DHRSX: variants seen among roughly 807,000 people sequenced by gnomAD.
DHRSX encodes dehydrogenase/reductase X-linked.
A neutral mutation model predicts 34.0 loss-of-function variants in DHRSX; 31 were observed. The ratio of observed to expected loss-of-function variants is 0.91; its 90% CI spans 0.69 to 1.23. DHRSX has a LOEUF of 1.23. DHRSX is among the 50% of genes most tolerant of loss of function. The pLI is 0.00. For synonymous variants in DHRSX, 201 were observed against 183.8 expected, an observed-to-expected ratio of 1.09 and a Z score of -0.76; for missense variants, 414 against 428.1, an observed-to-expected ratio of 0.97 and a Z score of 0.29.
chrX:2,345,617 C>A (rs73189666), intron 3 of DHRSX, among the ~76,000 whole-genome samples: 3 of 147,236 alleles, frequency 2.0e-5, no homozygotes, highest in South Asian at 2.2e-4. Context: ...GAGATCGCAT[C>A]GTACCCCAGC....
At chrX:2,462,768 G>A (rs1474416729) in intron 1 of DHRSX, among the ~76,000 whole-genome samples, 2 of 151,712 alleles carry the variant, frequency 1.3e-5, no homozygotes, top group Non-Finnish European at 2.9e-5. Flanking sequence ...AAACACGGAG[G>A]GTTTCTGTGT....
At chrX:2,238,873 C>T (rs138077845) in intron 6 of DHRSX, among the ~76,000 whole-genome samples, 26 of 152,112 alleles carry the variant, frequency 1.7e-4, no homozygotes, top group African/African-American at 5.5e-4. Flanking sequence ...GCATGAGACA[C>T]GGCACCCAGC....
intron 1 of DHRSX, among the ~76,000 whole-genome samples, chrX:2,458,859 G>T (rs138360301): frequency 6.6e-6 from 1 of 152,052 alleles, no homozygotes; most frequent in African/African-American, 2.4e-5. Flanking sequence ...GAAAAAATTA[G>T]CTAGATATGG....
chrX:2,263,791 G>A (rs371599833), intron 5 of DHRSX, among the ~76,000 whole-genome samples: 29 of 152,138 alleles, frequency 1.9e-4, no homozygotes, highest in African/African-American at 5.3e-4. Context: ...GATGACAGGC[G>A]TGAGCCACCA....
chrX:2,249,233 C>T (rs1269995768), intron 5 of DHRSX, among the ~76,000 whole-genome samples: 1 of 144,384 alleles, frequency 6.9e-6, no homozygotes, highest in Non-Finnish European at 1.5e-5. Flanking sequence ...TGTTCTGTCG[C>T]CCAGGCTAGA....
At chrX:2,477,617 G>A (rs778118474) in intron 1 of DHRSX, among the ~76,000 whole-genome samples, 15 of 152,210 alleles carry the variant, frequency 9.9e-5, no homozygotes, top group East Asian at 5.8e-4. Context: ...AGGCCGAGGC[G>A]GATGGATCAC....
At chrX:2,241,562 ACT>A (rs1319949365) in intron 6 of DHRSX, among the ~76,000 whole-genome samples, 1 of 151,898 alleles carries the variant, frequency 6.6e-6, no homozygotes, top group African/African-American at 2.4e-5. Context: ...CTCATAAACC[ACT>A]GTCTGTTCTG....
chrX:2,255,889 C>T (rs180750536), intron 5 of DHRSX, among the ~76,000 whole-genome samples: 6 of 151,690 alleles, frequency 4.0e-5, no homozygotes, highest in East Asian at 1.9e-4. Context: ...ACTCCAGCCT[C>T]GATGCCTGGG....
intron 1 of DHRSX, among the ~76,000 whole-genome samples, chrX:2,494,688 T>C (rs2124127025): frequency 6.6e-6 from 1 of 152,116 alleles, no homozygotes; most frequent in African/African-American, 2.4e-5. Context: ...AAAGGTCTGT[T>C]TTCTATTAAT....
At chrX:2,325,001 C>A (rs73630208) in intron 3 of DHRSX, among the ~76,000 whole-genome samples, 4,578 of 151,374 alleles carry the variant, frequency 0.03, 253 homozygotes, top group African/African-American at 0.11. Context: ...GTCTCGAACC[C>A]CTGACCTAAT....
intron 3 of DHRSX, among the ~76,000 whole-genome samples, chrX:2,404,311 G>A (rs1381454887): frequency 1.3e-5 from 2 of 152,110 alleles, no homozygotes; most frequent in African/African-American, 4.8e-5. Flanking sequence ...GGCACTTTTG[G>A]ATTCATTGTG....
rs772818569 is a variant in DHRSX, at chrX:2,302,934, T to G, written c.287-11331A>C. On this transcript the variant is annotated intron_variant, in intron 3 of 6. Coordinates refer to ENST00000334651, the MANE Select transcript of DHRSX (RefSeq NM_145177.3). ...GATTAGGGGAGAGGCAGTTTTGCCA[T>G]GGAGAGTTTAAAAGCGCTGATTCTG... Among the ~76,000 whole-genome samples the G allele has an allele frequency of 4.8e-3, 731 of 152,222 alleles. 3 individuals are homozygous for G. The highest frequency in any genetic ancestry group is 0.034 in the Middle Eastern group (10 of 294).
At chrX:2,408,950 C>T (rs1271815565) in intron 2 of DHRSX, 137 bp from the exon 3 acceptor site, 1 of 762,596 alleles carries the variant, frequency 1.3e-6, no homozygotes, top group Non-Finnish European at 2.2e-6. Flanking sequence ...TCCCTTTATC[C>T]TAGCGTCTAA....
chrX:2,264,283 C>T (rs1235075030), intron 5 of DHRSX, among the ~76,000 whole-genome samples: 1 of 151,726 alleles, frequency 6.6e-6, no homozygotes. Flanking sequence ...AGCACCGTGC[C>T]CAGAGCACCT....
At chrX:2,226,658 G>A (rs34234238) in intron 6 of DHRSX, among the ~76,000 whole-genome samples, 3,951 of 148,526 alleles carry the variant, frequency 0.027, 101 homozygotes, top group African/African-American at 0.062. Flanking sequence ...AAAATTAGCC[G>A]GGCATGGTGG....
At chrX:2,286,016 C>T (rs2041800643) in intron 4 of DHRSX, among the ~76,000 whole-genome samples, 1 of 152,054 alleles carries the variant, frequency 6.6e-6, no homozygotes, top group Non-Finnish European at 1.5e-5. Context: ...AAATCCTTTA[C>T]TTCTTCTCTA....
intron 5 of DHRSX, among the ~76,000 whole-genome samples, chrX:2,246,864 C>A (rs375705053): frequency 6.6e-6 from 1 of 151,380 alleles, no homozygotes. Context: ...AAAAGAAAAC[C>A]AAAAAGATCA....
intron 1 of DHRSX, among the ~76,000 whole-genome samples, chrX:2,483,170 C>T (rs1471721526): frequency 3.3e-5 from 5 of 152,274 alleles, no homozygotes; most frequent in African/African-American, 9.6e-5. Context: ...ACTGCAGCCT[C>T]GACTTTCCGG....
chrX:2,426,396 TTC>T (rs748833885), intron 1 of DHRSX, among the ~76,000 whole-genome samples: 47 of 149,948 alleles, frequency 3.1e-4, no homozygotes, highest in African/African-American at 9.1e-4. Flanking sequence ...TCCTCCTTCC[TTC>T]TCTTTTTCCT....
Sources: allele counts gnomAD v4.1 joint callset (sites outside exome capture counted in the v4.1 genomes callset), GRCh38; gene constraint gnomAD v4.1.1; transcripts MANE v1.5; gene names NCBI Gene and HGNC (gene_info 2026-07-23, HGNC 2026-07-21).